The following PHC3 variants were observed in gnomAD, a reference collection of about 807,000 sequenced individuals.
PHC3 encodes the protein polyhomeotic-like protein 3.
PHC3 carries 13 observed loss-of-function variants against 107.4 expected under a neutral mutation model. The ratio of observed to expected loss-of-function variants is 0.12; its 90% CI spans 0.08 to 0.19. PHC3 has a LOEUF of 0.19. Among genes scored for constraint, PHC3 ranks in the 10% least tolerant of loss-of-function variants. The pLI is 1.00. For missense variants in PHC3, 992 were observed against 1,210.9 expected (o/e 0.82, Z 2.68); for synonymous variants, 456 against 427.4 (o/e 1.07, Z -0.83).
chr3:170,153,775 A>AG, intron 4 of PHC3, among the ~76,000 whole-genome samples: 1 of 151,852 alleles, frequency 6.6e-6, no homozygotes, highest in South Asian at 2.1e-4. Flanking sequence ...AAAAAAAAAA[A>AG]AAAGAATCTT....
chr3:170,111,416 GGAAA>G (rs956696989), intron 11 of PHC3, among the ~76,000 whole-genome samples: 1 of 148,220 alleles, frequency 6.7e-6, no homozygotes, highest in Non-Finnish European at 1.5e-5. Flanking sequence ...AAGGAAGGAA[GGAAA>G]GAAGGAAGGA....
At chr3:170,127,921 T>C (rs978068023) in intron 8 of PHC3, among the ~76,000 whole-genome samples, 4 of 152,166 alleles carry the variant, frequency 2.6e-5, no homozygotes, top group African/African-American at 4.8e-5. Context: ...TTCTTAAAAA[T>C]CCCACTACAA....
chr3:170,141,418 C>T (rs948444821), intron 6 of PHC3, among the ~76,000 whole-genome samples: 16 of 152,166 alleles, frequency 1.1e-4, no homozygotes, highest in African/African-American at 3.9e-4. Flanking sequence ...ACACATCAAT[C>T]TGGACCCCAA....
chr3:170,171,509 G>A (rs2108750901), intron 3 of PHC3, 59 bp from the exon 4 acceptor site: 2 of 1,226,518 alleles, frequency 1.6e-6, no homozygotes, highest in South Asian at 2.9e-5. Context: ...GAACTTTCTG[G>A]TACCATGATA....
At chr3:170,153,520 T>C (rs1283965931) in intron 4 of PHC3, among the ~76,000 whole-genome samples, 2 of 152,024 alleles carry the variant, frequency 1.3e-5, no homozygotes, top group Non-Finnish European at 2.9e-5. Context: ...TCCCAGCACT[T>C]TGGGAGGCCG....
In PHC3 at chr3:170,122,726, C is replaced by T. The variant is rs1414827872; in HGVS notation, c.1807G>A (p.Val603Met). ...TCTTCTGGCATTTCTTCTTCACACACATCTTCTACCTGATAAACCTGCAAT... is the reference window on the plus strand; with the variant it reads ...TCTTCTGGCATTTCTTCTTCACACATATCTTCTACCTGATAAACCTGCAAT... ...DPPVVYQVED[V>M]CEEEMPEESD... Residue 603 changes from valine to methionine, a missense_variant, in exon 9 of 15, where the codon GTG (valine) becomes ATG (methionine). Val to Met is a conservative substitution (Grantham distance 21). Around this residue, in one of 6 missense-constraint regions of PHC3, gnomAD observed 543 missense variants for 590.8 expected, o/e 0.92. Transcript: ENST00000495893. 1.2e-6 allele frequency: 2 copies of T among 1,613,928 alleles called. No homozygotes were observed. Among genetic ancestry groups the T allele is most frequent in the South Asian group, 2.2e-5 (2 of 91,080 alleles).
At chr3:170,153,049 T>TA (rs774806062) in intron 4 of PHC3, among the ~76,000 whole-genome samples, 6 of 152,218 alleles carry the variant, frequency 3.9e-5, no homozygotes, top group Non-Finnish European at 8.8e-5. Context: ...TTCTTAACTA[T>TA]AAACCCTTTT....
At chr3:170,127,690 T>C (rs989836730) in intron 8 of PHC3, among the ~76,000 whole-genome samples, 17 of 152,222 alleles carry the variant, frequency 1.1e-4, no homozygotes, top group Non-Finnish European at 1.3e-4. Context: ...ATTTATTAGC[T>C]TTTAGGTGAT....
chr3:170,117,855 AAAAC>A (rs1719359215), intron 9 of PHC3, among the ~76,000 whole-genome samples: 1 of 151,950 alleles, frequency 6.6e-6, no homozygotes, highest in South Asian at 2.1e-4. Context: ...AAAAAAAAAA[AAAAC>A]AAAATTAGCA....
At chr3:170,111,307 AAG>A (rs1717639942) in intron 11 of PHC3, among the ~76,000 whole-genome samples, 9 of 143,150 alleles carry the variant, frequency 6.3e-5, no homozygotes, top group Admixed American at 6.3e-4. Context: ...GGAAGGAAGG[AAG>A]GAAGGAAGGA....
chr3:170,121,301 C>CT (rs773247448), intron 9 of PHC3, among the ~76,000 whole-genome samples: 2 of 151,908 alleles, frequency 1.3e-5, no homozygotes, highest in African/African-American at 2.4e-5. Context: ...TAGTGAGACC[C>CT]TATCTCTTAA....
chr3:170,119,012 A>G (rs1236546128), intron 9 of PHC3, among the ~76,000 whole-genome samples: 3 of 151,396 alleles, frequency 2.0e-5, no homozygotes, highest in African/African-American at 7.3e-5. Context: ...AAAGTCACAC[A>G]AAGTCACACA....
chr3:170,119,430 CAT>C (rs1719752803), intron 9 of PHC3, among the ~76,000 whole-genome samples: 1 of 152,142 alleles, frequency 6.6e-6, no homozygotes, highest in Non-Finnish European at 1.5e-5. Context: ...ATATCTAGAT[CAT>C]GTGCATAAAT....
At chr3:170,180,830 G>A (rs1195642431) in intron 1 of PHC3, among the ~76,000 whole-genome samples, 1 of 152,116 alleles carries the variant, frequency 6.6e-6, no homozygotes, top group African/African-American at 2.4e-5. Flanking sequence ...TGGTCACAGA[G>A]AATCCAAATT....
chr3:170,104,223 A>C (rs1350639986), intron 12 of PHC3, among the ~76,000 whole-genome samples: 2 of 152,124 alleles, frequency 1.3e-5, no homozygotes, highest in African/African-American at 4.8e-5. Flanking sequence ...TTTTCCCAAC[A>C]AACTAAAAAT....
chr3:170,111,416 G>A (rs1251276139), intron 11 of PHC3, among the ~76,000 whole-genome samples: 1 of 148,220 alleles, frequency 6.7e-6, no homozygotes, highest in East Asian at 2.0e-4. Flanking sequence ...AAGGAAGGAA[G>A]GAAAGAAGGA....
At position 170,122,874 on chromosome 3, in the gene PHC3, A is replaced by G. The variant is rs140153398; in HGVS notation, c.1789-130T>C. The G allele has an allele frequency of 2.9e-3, 2,873 of 1,006,248 alleles. 57 individuals carry two copies. The African/African-American group carries it at 0.042, about 15-fold the overall frequency. The allele number at this position is 1,006,248 out of a possible 1,614,324, so 62.3% of individuals were successfully genotyped here. On this transcript the variant is annotated intron_variant, in intron 8 of 14. Transcript: ENST00000495893. ...AAGGCAAAAATGACTACTCTAACAG[A>G]CTGAAAGGAAAACTTAAAAATTGCT...
At chr3:170,111,604 A>G (rs1000732011) in intron 11 of PHC3, among the ~76,000 whole-genome samples, 2 of 152,342 alleles carry the variant, frequency 1.3e-5, no homozygotes, top group African/African-American at 4.8e-5. Context: ...ATTCTAATGA[A>G]TGTTTGAAAT....
chr3:170,097,205 G>A lies in PHC3; in HGVS notation c.*25C>T, dbSNP rs1356774172. Reference sequence around the variant, plus strand: ...TTTTTGTGAGAAAAGTAAAACTGCTGTTTTATCAAGGCTTCATGTTCCTGT... The same window carrying A: ...TTTTTGTGAGAAAAGTAAAACTGCTATTTTATCAAGGCTTCATGTTCCTGT... On this transcript the variant is annotated 3_prime_UTR_variant, in exon 15 of 15. Coordinates refer to ENST00000495893, the MANE Select transcript of PHC3 (RefSeq NM_024947.4). This position sits in a 1 kb window ranked among gnomAD's most constrained non-coding sequence, Gnocchi z 4.1. The A allele has an allele frequency of 1.4e-5, 22 of 1,574,374 alleles. No homozygotes were observed. The East Asian group carries it at 5.0e-4, about 35-fold the overall frequency.
Sources: gnomAD v4.1 joint callset for allele counts (sites outside exome capture counted in the v4.1 genomes callset) on GRCh38, gnomAD v4.1.1 for gene constraint, gnomAD v4.1.1 regional missense constraint, Gnocchi (gnomAD v3.1) non-coding constraint, MANE v1.5 for transcripts, NCBI Gene and HGNC (gene_info 2026-07-23, HGNC 2026-07-21) for gene names.